ENO1: variants seen among roughly 807,000 people sequenced by gnomAD.
ENO1 encodes enolase 1, also known as alpha-enolase.
A neutral mutation model predicts 46.3 loss-of-function variants in ENO1; 33 were observed. That is an observed-to-expected ratio of 0.71 (90% CI 0.54 to 0.95). The LOEUF is 0.95. Among genes scored for constraint, ENO1 ranks in the 40% least tolerant of loss-of-function variants. ENO1 has a pLI of 0.00. For missense variants in ENO1, 488 were observed against 553.3 expected, an observed-to-expected ratio of 0.88 and a Z score of 1.18; for synonymous variants, 220 against 216.0, an observed-to-expected ratio of 1.02 and a Z score of -0.16.
chr1:8,869,547 G>A lies in ENO1; in HGVS notation c.240+905C>T, dbSNP rs535783532. On this transcript the variant is annotated intron_variant, in intron 4 of 11. Transcript: ENST00000234590. ...GGAGGCTGTGGCTGGGCTTGGACTGGGCCTAGAGAGCTTTGTTATTTTTAT... is the reference window on the plus strand; with the variant it reads ...GGAGGCTGTGGCTGGGCTTGGACTGAGCCTAGAGAGCTTTGTTATTTTTAT... Among the ~76,000 whole-genome samples, 6 of 152,160 alleles carry A rather than the reference G, an allele frequency of 3.9e-5. No individual in the cohort carries two copies. The South Asian group carries it at 1.2e-3, about 32-fold the overall frequency.
chr1:8,875,473 G>A (rs1253927263), intron 1 of ENO1, among the ~76,000 whole-genome samples: 1 of 152,154 alleles, frequency 6.6e-6, no homozygotes, highest in Non-Finnish European at 1.5e-5. Flanking sequence ...GAATGGAAAG[G>A]AACCAAGAAC....
At chr1:8,863,497 G>T (rs972310702) in intron 9 of ENO1, among the ~76,000 whole-genome samples, 154 bp from the exon 10 acceptor site, 3 of 152,192 alleles carry the variant, frequency 2.0e-5, no homozygotes, top group African/African-American at 7.2e-5. Context: ...GCACAGAGGA[G>T]AACCCTCACC....
rs11544512 is a variant in ENO1 at position 8,865,402 on chromosome 1, C to T, written c.748G>A (p.Glu250Lys). 6.2e-6 allele frequency: 10 copies of T among 1,614,030 alleles called. No individual in the cohort carries two copies. The highest frequency in any genetic ancestry group is 1.3e-5 in the African/African-American group (1 of 74,920). ...VVIGMDVAASEFFRSGKYDLD... is the reference protein window; with the variant it reads ...VVIGMDVAASKFFRSGKYDLD... The stretch of plus-strand genomic sequence containing the variant: ...TCATACTTCCCAGACCTGAAGAACT[C>T]GGAGGCCGCTACGTCCATGCCGATG... The change falls in exon 8 of 12, where the codon GAG becomes AAG. Residue 250 changes from glutamate (E) to lysine (K), a missense_variant. By Grantham distance (56) the Glu-to-Lys change is moderately conservative. Coordinates refer to ENST00000234590, the MANE Select transcript of ENO1 (RefSeq NM_001428.5).
intron 1 of ENO1, among the ~76,000 whole-genome samples, chr1:8,876,528 AT>A (rs1436250031): frequency 6.6e-6 from 1 of 152,150 alleles, no homozygotes; most frequent in Admixed American, 6.5e-5. Context: ...TACTTTGAGT[AT>A]TTCAGTCATA....
At chr1:8,876,960 G>A (rs545813996) in intron 1 of ENO1, among the ~76,000 whole-genome samples, 1 of 151,870 alleles carries the variant, frequency 6.6e-6, no homozygotes, top group South Asian at 2.1e-4. Context: ...CGAGTAGGTG[G>A]GATTACAGGC....
At position 8,863,367 on chromosome 1, in the gene ENO1, A is replaced by T. The variant is rs772881804; in HGVS notation, c.1068-24T>A. 6.6e-5 allele frequency: 106 copies of T among 1,602,812 alleles called. 1 individual carries two copies. The highest frequency in any genetic ancestry group is 8.7e-5 in the Non-Finnish European group (102 of 1,174,560). On this transcript the variant is annotated intron_variant, in intron 9 of 11. Coordinates refer to ENST00000234590, the MANE Select transcript of ENO1 (RefSeq NM_001428.5). ...ACCTGGAAGCCAAGGAACAACCCAG[A>T]TGGCATGATCCCATTTTCTGGTTCC...
intron 3 of ENO1, chr1:8,871,511 A>G: frequency 9.7e-7 from 1 of 1,027,294 alleles, no homozygotes; most frequent in Non-Finnish European, 1.2e-6. Context: ...TAGCCCGTGA[A>G]GAGGCTGATG....
intron 1 of ENO1, chr1:8,875,709 G>C (rs1227188344): frequency 6.6e-6 from 1 of 152,024 alleles, no homozygotes; most frequent in Non-Finnish European, 1.5e-5. Flanking sequence ...CCACTTCCTG[G>C]GACTTTCCAA....
intron 3 of ENO1, 55 bp from the exon 4 acceptor site, chr1:8,870,565 C>T: frequency 1.9e-6 from 3 of 1,611,508 alleles, no homozygotes; most frequent in Non-Finnish European, 1.7e-6. Context: ...CAGGCTTGAG[C>T]AGCATTGTTA....
chr1:8,872,999 A>G (rs1205962338), intron 2 of ENO1, among the ~76,000 whole-genome samples: 1 of 152,210 alleles, frequency 6.6e-6, no homozygotes, highest in Non-Finnish European at 1.5e-5. Context: ...TGTTGCAGAG[A>G]AACCAACAAG....
rs1364370264 is a variant in ENO1 at position 8,863,093 on chromosome 1, C to T, written c.1176+142G>A. ...ACAACATACAGGCAGGGCGCTCATG[C>T]CCCCATTCTGTTCAGCCTCAGAAAC... On this transcript the variant is annotated intron_variant, in intron 10 of 11. Coordinates refer to ENST00000234590, the MANE Select transcript of ENO1 (RefSeq NM_001428.5). 3.7e-6 allele frequency: 5 copies of T among 1,337,888 alleles called. No individual in the cohort carries two copies. In the Admixed American group the frequency reaches 6.3e-5, roughly 17 times the overall value. 82.9% of individuals were successfully genotyped at this position (1,337,888 alleles called of 1,614,324 possible).
At chr1:8,870,797 G>A (rs1642615608) in intron 3 of ENO1, 9 of 1,398,372 alleles carry the variant, frequency 6.4e-6, no homozygotes, top group African/African-American at 1.4e-5. Context: ...AACGCCAACT[G>A]CAGACTAAAG....
At chr1:8,876,106 CT>C (rs1557588595) in intron 1 of ENO1, 1 of 152,176 alleles carries the variant, frequency 6.6e-6, no homozygotes, top group South Asian at 2.1e-4. Context: ...CCCATTCTTA[CT>C]TTTTTCCTTG....
At chr1:8,866,525 C>T (rs1297858125) in intron 6 of ENO1, 24 bp from the exon 7 acceptor site, 5 of 1,613,266 alleles carry the variant, frequency 3.1e-6, no homozygotes, top group Middle Eastern at 1.6e-4. Flanking sequence ...AGCAGAGAAG[C>T]ATGGCACTGG....
intron 11 of ENO1, 120 bp from the exon 12 acceptor site, chr1:8,861,549 C>T: frequency 1.1e-6 from 1 of 932,394 alleles, no homozygotes; most frequent in Non-Finnish European, 1.6e-6. Context: ...AAGTTGAGAA[C>T]ACAGAACTCT....
chr1:8,869,032 A>G (rs985547604), intron 4 of ENO1, among the ~76,000 whole-genome samples: 5 of 152,208 alleles, frequency 3.3e-5, no homozygotes, highest in African/African-American at 1.2e-4. Flanking sequence ...ATAACAAGGC[A>G]TTATTTTTAT....
intron 7 of ENO1, chr1:8,866,027 G>A: frequency 4.8e-6 from 2 of 417,988 alleles, no homozygotes; most frequent in South Asian, 2.9e-5. Context: ...GTTGTAGTGA[G>A]CCGAGATTGC....
At chr1:8,878,227 T>C (rs1271803389) in intron 1 of ENO1, 4 of 199,020 alleles carry the variant, frequency 2.0e-5, no homozygotes, top group African/African-American at 7.2e-5. Flanking sequence ...TTGGCTACGA[T>C]GGAAAAGCAA....
chr1:8,869,662 C>T lies in ENO1; in HGVS notation c.240+790G>A, dbSNP rs554653114. Among the ~76,000 whole-genome samples the T allele has an allele frequency of 4.6e-5, 7 of 152,292 alleles. No individual in the cohort carries two copies. The South Asian group carries it at 6.2e-4, about 14-fold the overall frequency. On this transcript the variant is annotated intron_variant, in intron 4 of 11. Transcript: ENST00000234590. The stretch of plus-strand genomic sequence containing the variant: ...GCAACCTCTGCCTCCCAGCTTCAAG[C>T]GATTCTCATGTCTCAGACTCCCAAG...
Sources: allele counts gnomAD v4.1 joint callset (sites outside exome capture counted in the v4.1 genomes callset), GRCh38; gene constraint gnomAD v4.1.1; transcripts MANE v1.5; gene names NCBI Gene and HGNC (gene_info 2026-07-23, HGNC 2026-07-21).